MAP3K12: variants seen among roughly 807,000 people sequenced by gnomAD.
MAP3K12 encodes MAPK-upstream kinase.
Under a neutral mutation model 87.5 loss-of-function variants are expected in MAP3K12, and 14 were observed. That is an observed-to-expected ratio of 0.16 (90% CI 0.11 to 0.25). MAP3K12 has a LOEUF of 0.25. Ranked by LOEUF, MAP3K12 falls within the 10% of genes least tolerant of loss-of-function variation. MAP3K12 has a pLI of 1.00. For missense variants in MAP3K12, 802 were observed against 1,140.4 expected, an observed-to-expected ratio of 0.70 and a Z score of 4.27; for synonymous variants, 469 against 452.5, an observed-to-expected ratio of 1.04 and a Z score of -0.46.
intron 1 of MAP3K12, among the ~76,000 whole-genome samples, chr12:53,491,943 C>A (rs1442285945): frequency 5.9e-5 from 9 of 151,416 alleles, no homozygotes; most frequent in Non-Finnish European, 4.4e-5. Context: ...GGCGTGGTGG[C>A]GCATGCCTGT....
chr12:53,486,874 C>CT lies in MAP3K12; in HGVS notation c.445+72dup. ...GGGGAGGGAAGGGACCATTGCGTGA[C>CT]TTTAGCGGAGCTGACCAACAGATCT... is the stretch of plus-strand genomic sequence containing the variant. On this transcript the variant is annotated intron_variant, in intron 2 of 13. Transcript: ENST00000547488. This position sits in a 1 kb window ranked among gnomAD's most constrained non-coding sequence, Gnocchi z 4.9. 6.3e-7 allele frequency: 1 copy of CT among 1,582,582 alleles called. No homozygotes were observed. Among genetic ancestry groups the CT allele is most frequent in the Non-Finnish European group, 8.6e-7 (1 of 1,162,228 alleles).
rs1943106543 is a variant in MAP3K12 at position 53,482,824 on chromosome 12, C to T, written c.1979G>A (p.Gly660Asp). ...ALGSRGRGAT[G>D]GAGDPGSPPP... is the part of the protein sequence containing the mutation. Reference sequence around the variant, plus strand: ...TGGTGAGCCAGGATCCCCAGCTCCGCCTGTGGCCCCCCGGCCCCGGGACCC... The same window carrying T: ...TGGTGAGCCAGGATCCCCAGCTCCGTCTGTGGCCCCCCGGCCCCGGGACCC... The change falls in exon 11 of 14, where the codon GGC becomes GAC. Residue 660 changes from glycine (G) to aspartate (D), a missense_variant. Coordinates refer to ENST00000547488, the MANE Select transcript of MAP3K12 (RefSeq NM_001193511.2). The T allele has an allele frequency of 1.2e-6, 2 of 1,610,898 alleles. No individual in the cohort carries two copies. The highest frequency in any genetic ancestry group is 1.7e-5 in the Admixed American group (1 of 59,730).
upstream of MAP3K12, chr12:53,501,450 C>T (rs371506572): frequency 1.9e-6 from 3 of 1,569,090 alleles, no homozygotes; most frequent in Non-Finnish European, 2.6e-6. Flanking sequence ...CCACGGGCTG[C>T]GGGCTGCCTA....
chr12:53,483,371 T>C lies in MAP3K12; in HGVS notation c.1591A>G (p.Lys531Glu). 1 of 1,614,156 alleles carries C rather than the reference T, an allele frequency of 6.2e-7. No individual in the cohort carries two copies. Among genetic ancestry groups the C allele is most frequent in the Non-Finnish European group, 8.5e-7 (1 of 1,180,014 alleles). ...CACCTTTTGCTATGGGGTGACAGCT[T>C]CTGTGGCACATTCCTCTTCTTGATA... ...KLIKKRNVPQ[K>E]LSPHSKRPDI... The change falls in exon 10 of 14, where the codon AAG becomes GAG. Residue 531 changes from lysine to glutamate, a missense_variant. By Grantham distance (56) the Lys-to-Glu change is moderately conservative. Transcript: ENST00000547488.
intron 13 of MAP3K12, chr12:53,481,621 T>C (rs746577407): frequency 1.0e-4 from 35 of 345,328 alleles, no homozygotes; most frequent in Non-Finnish European, 1.7e-4. Flanking sequence ...GTTCTGGGAT[T>C]CCAGGCGTGA....
rs187128825 is a variant in MAP3K12 at position 53,491,919 on chromosome 12, C to G, written c.-37-4491G>C. On this transcript the variant is annotated intron_variant, in intron 1 of 13. Coordinates refer to ENST00000547488, the MANE Select transcript of MAP3K12 (RefSeq NM_001193511.2). ...GGAGAGCCTGTCTCTGCTACAAATA[C>G]AAAAAATTAGCTGGGCGTGGTGGCG... 7.5e-4 allele frequency among the ~76,000 whole-genome samples: 113 copies of G among 151,176 alleles called. 1 individual carries two copies. The highest frequency in any genetic ancestry group is 2.5e-3 in the African/African-American group (105 of 41,336).
chr12:53,481,840 T>C (rs1461897774), intron 13 of MAP3K12, 101 bp downstream of exon 13: 2 of 1,424,552 alleles, frequency 1.4e-6, no homozygotes, highest in South Asian at 1.3e-5. Flanking sequence ...TATGGTACTT[T>C]CTGGCCTGTG....
rs761905186 is a variant in MAP3K12, at chr12:53,483,114, A to G, written c.1689T>C (p.Cys563=). The part of the protein sequence containing the change: ...AALSGVGLPG[C]PKGPPSPGRS... ...GTCCTGGTGAGGGGGGGCCCTTAGG[A>G]CACCCAGGAAGCCCCACCCCACTCA... The change falls in exon 11 of 14, where the codon TGT becomes TGC. Residue 563 remains cysteine, a synonymous_variant. Transcript: ENST00000547488. 14 of 1,521,944 alleles carry G rather than the reference A, an allele frequency of 9.2e-6. No individual in the cohort carries two copies. Among genetic ancestry groups the G allele is most frequent in the Non-Finnish European group, 1.1e-5 (13 of 1,137,092 alleles). 94.3% of individuals were successfully genotyped at this position (1,521,944 alleles called of 1,614,324 possible).
intron 1 of MAP3K12, among the ~76,000 whole-genome samples, chr12:53,489,963 C>T (rs147781932): frequency 9.5e-4 from 145 of 152,302 alleles, no homozygotes; most frequent in Non-Finnish European, 1.4e-3. Context: ...CAAGTGCCCT[C>T]CCTAACCCCA....
At position 53,480,971 on chromosome 12, in the gene MAP3K12, C is replaced by G. The variant is rs1259680353; in HGVS notation, c.*211G>C. On this transcript the variant is annotated 3_prime_UTR_variant, in exon 14 of 14. Transcript: ENST00000547488. ...GGAAGGGGCTTGCCCTTAGCCACAG[C>G]TCTACGGCTGTGCCTCATTCATTTC... The G allele has an allele frequency of 1.1e-5, 2 of 181,352 alleles. No homozygotes were observed. The highest frequency in any genetic ancestry group is 1.4e-4 in the East Asian group (1 of 7,090). 11.2% of individuals were successfully genotyped at this position (181,352 alleles called of 1,614,324 possible).
Position 53,487,444 on chromosome 12 carries a change from A to T in MAP3K12, c.-37-16T>A. The T allele has an allele frequency of 6.5e-7, 1 of 1,549,968 alleles. No individual in the cohort carries two copies. Among genetic ancestry groups the T allele is most frequent in the Non-Finnish European group, 8.7e-7 (1 of 1,148,956 alleles). On this transcript the variant is annotated splice_polypyrimidine_tract_variant and intron_variant, in intron 1 of 13. Coordinates refer to ENST00000547488, the MANE Select transcript of MAP3K12 (RefSeq NM_001193511.2). ...ACACTGGGCCCTGTGGGAATGAAGG[A>T]AGGAGGGGCTGGGCTGTTAAAGCCC...
Position 53,486,364 on chromosome 12 carries a change from T to C in MAP3K12, c.629+75A>G. ...GGATCTCCTCTGGGGAAGGATGGGG[T>C]AGGTCCCACTGCCCAGGAGGGTACC... On this transcript the variant is annotated intron_variant, in intron 3 of 13. Coordinates refer to ENST00000547488, the MANE Select transcript of MAP3K12 (RefSeq NM_001193511.2). The surrounding 1 kb of genome is among the most constrained non-coding windows in gnomAD (Gnocchi z 4.9). 7 of 1,575,164 alleles carry C rather than the reference T, an allele frequency of 4.4e-6. No homozygotes were observed. Among genetic ancestry groups the C allele is most frequent in the Non-Finnish European group, 6.1e-6 (7 of 1,156,986 alleles).
chr12:53,482,309 A>G lies in MAP3K12; in HGVS notation c.2299T>C (p.Ser767Pro). The change falls in exon 12 of 14, where the codon TCA becomes CCA. Residue 767 changes from serine (S) to proline (P), a missense_variant. Transcript: ENST00000547488. ...AATGCCATCACTTACCTCTGGCTTG[A>G]TGTCAGCTCTACTTCACTGTCTACC... ...GEVDSEVELTSSQRWPQSLNM... is the reference protein window; with the variant it reads ...GEVDSEVELTPSQRWPQSLNM... The G allele has an allele frequency of 6.2e-7, 1 of 1,614,070 alleles. No homozygotes were observed. The highest frequency in any genetic ancestry group is 8.5e-7 in the Non-Finnish European group (1 of 1,180,014).
intron 1 of MAP3K12, among the ~76,000 whole-genome samples, chr12:53,498,908 CTGTGTGTGTGTGTGTGTGTGTGTG>C (rs71068135): frequency 1.5e-3 from 167 of 108,376 alleles, no homozygotes; most frequent in Admixed American, 2.6e-3. Flanking sequence ...GTCCAGCCTG[CTGTGTGTGTGTGTGTGTGTGTGTG>C]TGTGTGTGTG....
At chr12:53,481,644 A>G (rs1943052022) in intron 13 of MAP3K12, 1 of 374,276 alleles carries the variant, frequency 2.7e-6, no homozygotes, top group South Asian at 3.7e-5. Context: ...CACCATGCCC[A>G]GCCAGCTTAC....
chr12:53,487,290 A>G lies in MAP3K12; in HGVS notation c.102T>C (p.Ser34=). ...ASMRKLDPDT[S]DCTPEKDLTP... Reference sequence around the variant, plus strand: ...TCAGGTCCTTCTCGGGAGTGCAGTCAGAAGTGTCTGGGTCCAGCTTGCGCA... The same window carrying G: ...TCAGGTCCTTCTCGGGAGTGCAGTCGGAAGTGTCTGGGTCCAGCTTGCGCA... The change falls in exon 2 of 14, where the codon TCT becomes TCC. Residue 34 remains serine, a synonymous_variant. Coordinates refer to ENST00000547488, the MANE Select transcript of MAP3K12 (RefSeq NM_001193511.2). 6.2e-7 allele frequency: 1 copy of G among 1,614,090 alleles called. No individual in the cohort carries two copies.
intron 6 of MAP3K12, 113 bp from the exon 7 acceptor site, chr12:53,484,478 CTG>C: frequency 1.4e-6 from 1 of 715,808 alleles, no homozygotes; most frequent in Non-Finnish European, 2.4e-6. Flanking sequence ...AGAATGTACT[CTG>C]TGACAAAAGA....
At position 53,481,101 on chromosome 12, in the gene MAP3K12, T is replaced by G; in HGVS notation, c.*81A>C. On this transcript the variant is annotated 3_prime_UTR_variant, in exon 14 of 14. Transcript: ENST00000547488. ...GACAGCCCCATCTTTCTGTTGATTA[T>G]GTGGCGCATATATATATATATATGT... 1 of 600,060 alleles carries G rather than the reference T, an allele frequency of 1.7e-6. No individual in the cohort carries two copies. Among genetic ancestry groups the G allele is most frequent in the Non-Finnish European group, 2.3e-6 (1 of 444,154 alleles). The allele number at this position is 600,060 out of a possible 1,614,324, so 37.2% of individuals were successfully genotyped here.
intron 13 of MAP3K12, 32 bp downstream of exon 13, chr12:53,481,909 C>A (rs1334326878): frequency 2.5e-6 from 4 of 1,600,594 alleles, no homozygotes; most frequent in Non-Finnish European, 3.4e-6. Context: ...TCTCCCTGTT[C>A]AATATCTGCT....
Sources: allele counts gnomAD v4.1 joint callset (sites outside exome capture counted in the v4.1 genomes callset), GRCh38; gene constraint gnomAD v4.1.1; non-coding constraint Gnocchi (gnomAD v3.1); transcripts MANE v1.5; gene names NCBI Gene and HGNC (gene_info 2026-07-23, HGNC 2026-07-21).